CNTNAP2: variants seen among roughly 807,000 people sequenced by gnomAD.
CNTNAP2 encodes the protein contactin-associated protein-like 2.
In CNTNAP2, 98 loss-of-function variants were observed where a neutral mutation model predicts 155.2. The observed-to-expected ratio is 0.63, with a 90% CI of 0.54 to 0.75. The LOEUF is 0.75. Ranked by LOEUF, CNTNAP2 falls within the 30% of genes least tolerant of loss-of-function variation. CNTNAP2 has a pLI of 0.00. For missense variants in CNTNAP2, 1,727 were observed against 1,688.1 expected, an observed-to-expected ratio of 1.02 and a Z score of -0.40; for synonymous variants, 651 against 631.2, an observed-to-expected ratio of 1.03 and a Z score of -0.47.
intron 10 of CNTNAP2, among the ~76,000 whole-genome samples, chr7:147,440,016 C>G (rs1461888148): frequency 6.6e-6 from 1 of 151,782 alleles, no homozygotes; most frequent in African/African-American, 2.4e-5. Flanking sequence ...TTTTTTCATC[C>G]ATTCAGCCAC....
chr7:147,194,150 C>G (rs1305912648), intron 8 of CNTNAP2, among the ~76,000 whole-genome samples: 1 of 149,634 alleles, frequency 6.7e-6, no homozygotes, highest in South Asian at 2.1e-4. Context: ...TCTCATTGTT[C>G]AACTCCCACT....
chr7:147,989,886 C>G (rs896161834), intron 15 of CNTNAP2, among the ~76,000 whole-genome samples: 9 of 152,218 alleles, frequency 5.9e-5, no homozygotes, highest in African/African-American at 2.2e-4. Flanking sequence ...GTGCCACTCC[C>G]TGGAATTATC....
chr7:146,831,189 A>G (rs1422827995), intron 2 of CNTNAP2, among the ~76,000 whole-genome samples: 1 of 152,188 alleles, frequency 6.6e-6, no homozygotes, highest in African/African-American at 2.4e-5. Flanking sequence ...TAGACTTTAA[A>G]GAGGATCTCT....
At chr7:148,165,683 G>T (rs1377437961) in intron 17 of CNTNAP2, among the ~76,000 whole-genome samples, 1 of 152,164 alleles carries the variant, frequency 6.6e-6, no homozygotes, top group African/African-American at 2.4e-5. Context: ...CACATGCCAT[G>T]AGCGGCGAAG....
rs2116924099 is a variant in CNTNAP2, at chr7:147,639,214, T to C, written c.2006T>C (p.Met669Thr). The C allele has an allele frequency of 1.2e-6, 2 of 1,614,146 alleles. No homozygotes were observed. The highest frequency in any genetic ancestry group is 1.1e-5 in the South Asian group (1 of 91,088). ...ACACAGCTCGTTTACAGCGCCTCCA[T>C]GGACCAGATAAGTGCCATCACTGAC... Reference protein sequence around the residue: ...SVTQLVYSASMDQISAITDSA... With the variant: ...SVTQLVYSASTDQISAITDSA... Residue 669 changes from methionine to threonine, a missense_variant, in exon 13 of 24, where the codon ATG becomes ACG. By Grantham distance (81) the Met-to-Thr change is moderately conservative (BLOSUM62 -1). Transcript: ENST00000361727.
chr7:146,540,680 C>G (rs1797939038), intron 1 of CNTNAP2, among the ~76,000 whole-genome samples: 1 of 151,958 alleles, frequency 6.6e-6, no homozygotes, highest in African/African-American at 2.4e-5. Context: ...TGGCCATTAC[C>G]AATACTCCTG....
intron 1 of CNTNAP2, among the ~76,000 whole-genome samples, chr7:146,749,905 A>G (rs1801873887): frequency 6.6e-6 from 1 of 152,138 alleles, no homozygotes; most frequent in Non-Finnish European, 1.5e-5. Context: ...CACCTGGACC[A>G]ATGCTATGGC....
chr7:146,933,959 G>C (rs918716378), intron 3 of CNTNAP2, among the ~76,000 whole-genome samples: 5 of 152,104 alleles, frequency 3.3e-5, no homozygotes, highest in African/African-American at 9.7e-5. Flanking sequence ...TGGAGAGGAT[G>C]TGGAGAAATA....
intron 12 of CNTNAP2, among the ~76,000 whole-genome samples, chr7:147,585,483 A>G (rs1441673663): frequency 2.0e-5 from 3 of 149,822 alleles, no homozygotes; most frequent in African/African-American, 7.3e-5. Flanking sequence ...TTATTATCTC[A>G]TTATAGATAT....
At chr7:146,126,573 T>C (rs1383348733) in intron 1 of CNTNAP2, among the ~76,000 whole-genome samples, 3 of 152,230 alleles carry the variant, frequency 2.0e-5, no homozygotes, top group Admixed American at 6.5e-5. Context: ...CTTAAAATGC[T>C]TTGTCAGGTA....
chr7:146,756,291 A>T (rs1801994306), intron 1 of CNTNAP2, among the ~76,000 whole-genome samples: 1 of 152,018 alleles, frequency 6.6e-6, no homozygotes, highest in South Asian at 2.1e-4. Context: ...TGTTAGTAAA[A>T]GCAACTAATA....
At chr7:146,704,229 C>T (rs1204648281) in intron 1 of CNTNAP2, among the ~76,000 whole-genome samples, 1 of 152,090 alleles carries the variant, frequency 6.6e-6, no homozygotes, top group African/African-American at 2.4e-5. Context: ...AATGATGCCA[C>T]ACAGCACACA....
At chr7:146,706,228 GT>G (rs1231264184) in intron 1 of CNTNAP2, among the ~76,000 whole-genome samples, 1 of 152,116 alleles carries the variant, frequency 6.6e-6, no homozygotes. Context: ...CTACCATTGT[GT>G]TTCGTGTGTT....
At chr7:147,871,064 A>G (rs1380646761) in intron 13 of CNTNAP2, among the ~76,000 whole-genome samples, 1 of 152,134 alleles carries the variant, frequency 6.6e-6, no homozygotes, top group East Asian at 1.9e-4. Flanking sequence ...TCACCCATGA[A>G]CTCAGACCAA....
At chr7:147,772,903 C>T (rs747128334) in intron 13 of CNTNAP2, among the ~76,000 whole-genome samples, 1 of 152,182 alleles carries the variant, frequency 6.6e-6, no homozygotes, top group Non-Finnish European at 1.5e-5. Context: ...GATTCAGCCA[C>T]CTCATCAGAG....
intron 1 of CNTNAP2, among the ~76,000 whole-genome samples, chr7:146,644,903 C>G (rs1213623429): frequency 1.3e-5 from 2 of 152,034 alleles, no homozygotes; most frequent in East Asian, 1.9e-4. Context: ...ACCAGAGGTA[C>G]AAGGAGGAAC....
At chr7:147,699,422 A>G (rs892331869) in intron 13 of CNTNAP2, among the ~76,000 whole-genome samples, 1 of 151,826 alleles carries the variant, frequency 6.6e-6, no homozygotes, top group Non-Finnish European at 1.5e-5. Flanking sequence ...GACACAGGGA[A>G]GGGAACATTA....
At chr7:147,370,401 C>G (rs932839251) in intron 9 of CNTNAP2, among the ~76,000 whole-genome samples, 7 of 152,158 alleles carry the variant, frequency 4.6e-5, no homozygotes, top group African/African-American at 1.7e-4. Context: ...CGTTTCTTGT[C>G]TATCACTTGC....
In CNTNAP2 at chr7:148,040,615, T is replaced by G. The variant is rs139938362; in HGVS notation, c.2383+62626T>G. 3.1e-3 allele frequency among the ~76,000 whole-genome samples: 467 copies of G among 152,376 alleles called. 2 individuals carry two copies. The highest frequency in any genetic ancestry group is 0.011 in the African/African-American group (445 of 41,590). On this transcript the variant is annotated intron_variant, in intron 15 of 23. Transcript: ENST00000361727. Reference sequence around the variant, plus strand: ...GCCTTTTTCCTAAAATAGGTATGCATGCAGTGTGTGCTCTGCACACATGCA... The same window carrying G: ...GCCTTTTTCCTAAAATAGGTATGCAGGCAGTGTGTGCTCTGCACACATGCA...
Sources: allele counts gnomAD v4.1 joint callset (sites outside exome capture counted in the v4.1 genomes callset), GRCh38; gene constraint gnomAD v4.1.1; transcripts MANE v1.5; gene names NCBI Gene and HGNC (gene_info 2026-07-23, HGNC 2026-07-21).